KIAA1217: variants seen among roughly 807,000 people sequenced by gnomAD.
KIAA1217 encodes sickle tail protein homolog.
Under a neutral mutation model 163.9 loss-of-function variants are expected in KIAA1217, and 88 were observed. The ratio of observed to expected loss-of-function variants is 0.54; its 90% CI spans 0.45 to 0.64. The LOEUF is 0.64. Ranked by LOEUF, KIAA1217 falls within the 30% of genes least tolerant of loss-of-function variation. The pLI, the probability that KIAA1217 is intolerant of heterozygous loss-of-function variation, is 0.00. For synonymous variants in KIAA1217, 903 were observed against 923.1 expected (o/e 0.98, Z 0.39); for missense variants, 2,372 against 2,475.0 (o/e 0.96, Z 0.88).
intron 1 of KIAA1217, among the ~76,000 whole-genome samples, chr10:23,930,220 A>C (rs575352620): frequency 1.3e-5 from 2 of 151,610 alleles, no homozygotes; most frequent in Non-Finnish European, 1.5e-5. Flanking sequence ...TCCTTCACCC[A>C]CTTTTAAATG....
chr10:23,863,210 G>T (rs539410768), intron 1 of KIAA1217, among the ~76,000 whole-genome samples: 4 of 152,116 alleles, frequency 2.6e-5, no homozygotes, highest in Non-Finnish European at 5.9e-5. Flanking sequence ...AGTAATAAGA[G>T]ATAAGCACTC....
chr10:24,000,825 C>G (rs1271746969), intron 1 of KIAA1217, among the ~76,000 whole-genome samples: 1 of 152,254 alleles, frequency 6.6e-6, no homozygotes, highest in African/African-American at 2.4e-5. Flanking sequence ...AGGTCGAGCA[C>G]TGCTCGCCCT....
intron 2 of KIAA1217, among the ~76,000 whole-genome samples, chr10:24,173,222 G>A (rs2065715432): frequency 6.6e-6 from 1 of 152,132 alleles, no homozygotes; most frequent in African/African-American, 2.4e-5. Flanking sequence ...TGCCCCTTAT[G>A]AGAATCTAAT....
chr10:24,044,543 T>G (rs1273326972), intron 2 of KIAA1217, among the ~76,000 whole-genome samples: 1 of 152,078 alleles, frequency 6.6e-6, no homozygotes, highest in African/African-American at 2.4e-5. Flanking sequence ...AGTGTATTTC[T>G]TAGACTAGTG....
chr10:24,231,484 G>A (rs998664460), intron 2 of KIAA1217, among the ~76,000 whole-genome samples: 2 of 152,108 alleles, frequency 1.3e-5, no homozygotes, highest in Non-Finnish European at 2.9e-5. Flanking sequence ...TATTGTATGT[G>A]CGAGTGTATA....
intron 1 of KIAA1217, among the ~76,000 whole-genome samples, chr10:24,212,065 A>C (rs2068202594): frequency 6.6e-6 from 1 of 151,648 alleles, no homozygotes. Context: ...AAAGACAGAG[A>C]GAAAGAGAAG....
intron 1 of KIAA1217, among the ~76,000 whole-genome samples, chr10:23,747,224 G>T (rs1839461364): frequency 6.6e-6 from 1 of 152,104 alleles, no homozygotes; most frequent in East Asian, 1.9e-4. Flanking sequence ...AGGCTGCTGG[G>T]GCGATGACAG....
chr10:23,865,609 T>A (rs922725663), intron 1 of KIAA1217, among the ~76,000 whole-genome samples: 15 of 152,150 alleles, frequency 9.9e-5, no homozygotes, highest in Admixed American at 2.0e-4. Flanking sequence ...GCCTTTTTTT[T>A]TATAGCTTTA....
intron 1 of KIAA1217, among the ~76,000 whole-genome samples, chr10:23,965,330 A>C (rs1773174623): frequency 6.6e-6 from 1 of 152,224 alleles, no homozygotes; most frequent in South Asian, 2.1e-4. Context: ...TGTATGTTTC[A>C]TAACTAACTG....
In KIAA1217 at chr10:24,542,802, A is replaced by G. The variant is rs766059291; in HGVS notation, c.3612+32A>G. The G allele has an allele frequency of 2.5e-6, 4 of 1,612,222 alleles. No individual in the cohort carries two copies. The African/African-American group carries it at 4.0e-5, about 16-fold the overall frequency. ...TCACCAGATCTGGGTTCCGACCAAT[A>G]CCATGCACATTAAGTACCTGCCTCT... On this transcript the variant is annotated intron_variant, in intron 18 of 20. Transcript: ENST00000376454.
chr10:23,757,095 A>G (rs1833956870), intron 1 of KIAA1217, among the ~76,000 whole-genome samples: 1 of 152,118 alleles, frequency 6.6e-6, no homozygotes. Flanking sequence ...GTATGTGTAG[A>G]TCACATTTTG....
intron 2 of KIAA1217, among the ~76,000 whole-genome samples, chr10:24,199,149 G>A (rs1018163636): frequency 6.6e-6 from 1 of 152,188 alleles, no homozygotes; most frequent in East Asian, 1.9e-4. Flanking sequence ...TTGAGCCCAG[G>A]AGTTTGGAGG....
intron 1 of KIAA1217, among the ~76,000 whole-genome samples, chr10:24,003,703 A>T (rs1158090628): frequency 1.3e-5 from 2 of 152,224 alleles, no homozygotes; most frequent in Non-Finnish European, 2.9e-5. Context: ...CTATCACAGG[A>T]TAACTCTGAT....
chr10:24,321,539 G>GA (rs1204820291), intron 2 of KIAA1217, among the ~76,000 whole-genome samples: 3 of 151,368 alleles, frequency 2.0e-5, no homozygotes, highest in East Asian at 3.9e-4. Context: ...CATCTCAAAG[G>GA]AAAAAAAAGG....
chr10:23,832,597 C>T (rs1218647403), intron 1 of KIAA1217, among the ~76,000 whole-genome samples: 1 of 152,090 alleles, frequency 6.6e-6, no homozygotes, highest in Non-Finnish European at 1.5e-5. Context: ...TAGGGGCTCC[C>T]AGTTATCAGT....
intron 2 of KIAA1217, among the ~76,000 whole-genome samples, chr10:24,183,470 G>A: frequency 1.3e-5 from 2 of 152,276 alleles, no homozygotes; most frequent in Middle Eastern, 6.8e-3. Context: ...ATGAAAAAAA[G>A]ACAGTGGGGC....
intron 1 of KIAA1217, among the ~76,000 whole-genome samples, chr10:23,702,378 A>T (rs1041129964): frequency 1.3e-5 from 2 of 152,148 alleles, no homozygotes; most frequent in Non-Finnish European, 2.9e-5. Flanking sequence ...AACACATTTT[A>T]TTCTGAACAC....
At chr10:24,467,814 ATG>A (rs10672795) in intron 5 of KIAA1217, among the ~76,000 whole-genome samples, 1,652 of 148,200 alleles carry the variant, frequency 0.011, 27 homozygotes, top group African/African-American at 0.035. Context: ...GTGTGTGTGT[ATG>A]TGTGTGTGTG....
intron 3 of KIAA1217, among the ~76,000 whole-genome samples, chr10:24,392,024 A>C (rs192632022): frequency 1.2e-3 from 177 of 152,344 alleles, no homozygotes; most frequent in African/African-American, 4.0e-3. Flanking sequence ...TCCAAATTAG[A>C]TTTGATCTGG....
Sources: allele counts gnomAD v4.1 joint callset (sites outside exome capture counted in the v4.1 genomes callset), GRCh38; gene constraint gnomAD v4.1.1; transcripts MANE v1.5; gene names NCBI Gene and HGNC (gene_info 2026-07-23, HGNC 2026-07-21).